GALNT13: variants seen among roughly 807,000 people sequenced by gnomAD.
GALNT13 encodes the protein polypeptide N-acetylgalactosaminyltransferase 13, also known as UDP-GalNAc:polypeptide N-acetylgalactosaminyltransferase 13.
In GALNT13, 28 loss-of-function variants were observed where a neutral mutation model predicts 64.2. That is an observed-to-expected ratio of 0.44 (90% confidence interval 0.32 to 0.60). The LOEUF is 0.60. Among genes scored for constraint, GALNT13 ranks in the 20% least tolerant of loss-of-function variants. The probability of loss-of-function intolerance (pLI) is 0.05; values close to 1 mark genes in which losing one functional copy is unlikely to be tolerated. For missense variants in GALNT13, 577 were observed against 669.8 expected, an observed-to-expected ratio of 0.86 and a Z score of 1.53; for synonymous variants, 214 against 224.6, an observed-to-expected ratio of 0.95 and a Z score of 0.42.
At chr2:154,154,969 T>G (rs1684318067) in intron 4 of GALNT13, among the ~76,000 whole-genome samples, 1 of 150,252 alleles carries the variant, frequency 6.7e-6, no homozygotes, top group South Asian at 2.1e-4. Flanking sequence ...TGTGTGTGTA[T>G]AAACATACAT....
At chr2:154,151,531 G>A (rs572101336) in intron 4 of GALNT13, among the ~76,000 whole-genome samples, 2 of 152,306 alleles carry the variant, frequency 1.3e-5, no homozygotes, top group South Asian at 4.1e-4. Context: ...ACAGTGGGGT[G>A]TTAAAGTCTC....
chr2:153,568,314 C>A, the GALNT13 span, among the ~76,000 whole-genome samples: 2 of 152,120 alleles, frequency 1.3e-5, no homozygotes, highest in Non-Finnish European at 2.9e-5. Flanking sequence ...ACCTGCTGGA[C>A]TCACGTGATT....
At chr2:153,098,000 A>G in the GALNT13 span, among the ~76,000 whole-genome samples, 1 of 152,162 alleles carries the variant, frequency 6.6e-6, no homozygotes, top group Non-Finnish European at 1.5e-5. Flanking sequence ...CAGGAAGCGG[A>G]GATTGCAGTG....
At chr2:153,165,032 A>G in the GALNT13 span, among the ~76,000 whole-genome samples, 1 of 152,226 alleles carries the variant, frequency 6.6e-6, no homozygotes, top group African/African-American at 2.4e-5. Flanking sequence ...ATCTTTAGTT[A>G]TAAGTCAGTT....
chr2:153,082,660 C>CACACACAT, the GALNT13 span, among the ~76,000 whole-genome samples: 234 of 89,944 alleles, frequency 2.6e-3, 12 homozygotes, highest in Non-Finnish European at 3.6e-3. Context: ...CACACACACA[C>CACACACAT]ACACATATAT....
the GALNT13 span, among the ~76,000 whole-genome samples, chr2:153,709,846 C>G: frequency 1.7e-4 from 26 of 151,792 alleles, no homozygotes; most frequent in Non-Finnish European, 3.2e-4. Context: ...CATGGATGAA[C>G]CTGGAGGACA....
intron 3 of GALNT13, among the ~76,000 whole-genome samples, chr2:153,990,154 A>C (rs1695068649): frequency 6.6e-6 from 1 of 152,014 alleles, no homozygotes; most frequent in South Asian, 2.1e-4. Flanking sequence ...TCTGTTCATC[A>C]GATGTGAAAA....
the GALNT13 span, among the ~76,000 whole-genome samples, chr2:153,307,734 G>T: frequency 6.6e-6 from 1 of 151,958 alleles, no homozygotes; most frequent in African/African-American, 2.4e-5. Flanking sequence ...TGAGATCATA[G>T]ATTTTTTTTC....
chr2:154,432,939 G>A (rs1700774593), intron 11 of GALNT13, among the ~76,000 whole-genome samples: 1 of 152,166 alleles, frequency 6.6e-6, no homozygotes, highest in African/African-American at 2.4e-5. Flanking sequence ...TGCCTGGAGA[G>A]ATTAGTTGCC....
intron 9 of GALNT13, among the ~76,000 whole-genome samples, chr2:154,391,398 T>A (rs1213549153): frequency 6.6e-6 from 1 of 152,170 alleles, no homozygotes; most frequent in African/African-American, 2.4e-5. Flanking sequence ...CCCTTGGAGC[T>A]TGTTAGAAAT....
At chr2:153,860,638 C>A in the GALNT13 span, among the ~76,000 whole-genome samples, 1 of 152,320 alleles carries the variant, frequency 6.6e-6, no homozygotes, top group African/African-American at 2.4e-5. Context: ...GAAGCAATCA[C>A]TTCCTAACTA....
the GALNT13 span, among the ~76,000 whole-genome samples, chr2:153,662,673 T>C: frequency 6.6e-6 from 1 of 152,238 alleles, no homozygotes; most frequent in Non-Finnish European, 1.5e-5. Context: ...CCAGTTTCTA[T>C]AATCAAATTG....
chr2:154,043,131 A>G (rs760557629), intron 3 of GALNT13, among the ~76,000 whole-genome samples: 1 of 152,060 alleles, frequency 6.6e-6, no homozygotes, highest in Non-Finnish European at 1.5e-5. Flanking sequence ...CTTTGAAGAA[A>G]GTGAAAGAAA....
At chr2:154,192,247 T>C (rs1465172330) in intron 4 of GALNT13, among the ~76,000 whole-genome samples, 1 of 152,158 alleles carries the variant, frequency 6.6e-6, no homozygotes, top group Non-Finnish European at 1.5e-5. Context: ...GTCCAGCCGC[T>C]TGTGTGCCTG....
the GALNT13 span, among the ~76,000 whole-genome samples, chr2:153,373,666 C>A: frequency 6.6e-6 from 1 of 152,160 alleles, no homozygotes; most frequent in Non-Finnish European, 1.5e-5. Context: ...TGATCATTAA[C>A]CACCATTCAT....
the GALNT13 span, among the ~76,000 whole-genome samples, chr2:153,515,134 T>C: frequency 6.6e-6 from 1 of 152,180 alleles, no homozygotes; most frequent in East Asian, 1.9e-4. Flanking sequence ...CCCAAATTGG[T>C]TCACTGTCTT....
At chr2:154,292,118 C>G (rs1692680204) in intron 8 of GALNT13, among the ~76,000 whole-genome samples, 1 of 152,046 alleles carries the variant, frequency 6.6e-6, no homozygotes, top group African/African-American at 2.4e-5. Context: ...CTTTCAATAT[C>G]CATTTTGATG....
chr2:154,359,216 C>A (rs1048449256), intron 9 of GALNT13, among the ~76,000 whole-genome samples: 1 of 151,938 alleles, frequency 6.6e-6, no homozygotes, highest in African/African-American at 2.4e-5. Context: ...GAAACTAGAC[C>A]GGGTATCCTA....
At chr2:153,080,232 C>G in the GALNT13 span, among the ~76,000 whole-genome samples, 1 of 151,168 alleles carries the variant, frequency 6.6e-6, no homozygotes, top group African/African-American at 2.4e-5. Flanking sequence ...TTTATCTTAC[C>G]CCTTTTTCTT....
Sources: gnomAD v4.1 joint callset for allele counts (sites outside exome capture counted in the v4.1 genomes callset) on GRCh38, gnomAD v4.1.1 for gene constraint, MANE v1.5 for transcripts, NCBI Gene and HGNC (gene_info 2026-07-23, HGNC 2026-07-21) for gene names.